The following GALNTL6 variants were observed in gnomAD, a reference collection of about 807,000 sequenced individuals.
GALNTL6 encodes the protein polypeptide N-acetylgalactosaminyltransferase like 6, also known as polypeptide N-acetylgalactosaminyltransferase-like 6.
A neutral mutation model predicts 73.7 loss-of-function variants in GALNTL6; 46 were observed. The ratio of observed to expected loss-of-function variants is 0.62; its 90% CI spans 0.49 to 0.80. The LOEUF is 0.80. GALNTL6 is among the 30% of genes least tolerant of loss of function. The pLI is 0.00. For missense variants in GALNTL6, 604 were observed against 755.0 expected, an observed-to-expected ratio of 0.80 and a Z score of 2.34; for synonymous variants, 259 against 263.7, an observed-to-expected ratio of 0.98 and a Z score of 0.17.
intron 5 of GALNTL6, among the ~76,000 whole-genome samples, chr4:172,797,058 C>G (rs1043906308): frequency 1.6e-4 from 25 of 152,008 alleles, no homozygotes; most frequent in African/African-American, 5.3e-4. Flanking sequence ...ATGTAGTGTC[C>G]TCTCCCATTA....
intron 5 of GALNTL6, among the ~76,000 whole-genome samples, chr4:172,382,275 G>C (rs2111285116): frequency 6.6e-6 from 1 of 151,312 alleles, no homozygotes; most frequent in Non-Finnish European, 1.5e-5. Context: ...AGCCAATATT[G>C]TCTTTTTTTT....
chr4:172,940,862 G>A (rs970835260), intron 9 of GALNTL6, among the ~76,000 whole-genome samples: 3 of 151,884 alleles, frequency 2.0e-5, no homozygotes, highest in South Asian at 2.1e-4. Context: ...TGGTAGAGAC[G>A]GGGTCTCACT....
chr4:172,277,457 T>C (rs900387130), intron 3 of GALNTL6, among the ~76,000 whole-genome samples: 8 of 151,976 alleles, frequency 5.3e-5, no homozygotes, highest in Non-Finnish European at 7.4e-5. Context: ...TTCCTGAATA[T>C]TAGAGAAAAA....
At chr4:172,978,208 A>G (rs973251041) in intron 10 of GALNTL6, among the ~76,000 whole-genome samples, 5 of 152,202 alleles carry the variant, frequency 3.3e-5, no homozygotes, top group Non-Finnish European at 2.9e-5. Flanking sequence ...GAAATTTCTT[A>G]CTGGATATAG....
chr4:171,955,981 A>G (rs1739033933), intron 2 of GALNTL6, among the ~76,000 whole-genome samples: 1 of 147,390 alleles, frequency 6.8e-6, no homozygotes, highest in South Asian at 2.2e-4. Context: ...TTTAATAAAT[A>G]TTTGTTACTT....
intron 9 of GALNTL6, among the ~76,000 whole-genome samples, chr4:172,936,835 G>A (rs1297478867): frequency 1.3e-5 from 2 of 152,090 alleles, no homozygotes; most frequent in Non-Finnish European, 2.9e-5. Flanking sequence ...AAGCCAAATT[G>A]TACAGGCTGC....
chr4:172,489,453 C>T (rs897034272), intron 5 of GALNTL6, among the ~76,000 whole-genome samples: 1 of 152,136 alleles, frequency 6.6e-6, no homozygotes, highest in Non-Finnish European at 1.5e-5. Context: ...ATATATTCTA[C>T]ATATAATAAA....
chr4:172,647,077 G>A (rs1218048971), intron 5 of GALNTL6, among the ~76,000 whole-genome samples: 1 of 151,990 alleles, frequency 6.6e-6, no homozygotes. Flanking sequence ...TTCCTAGGTA[G>A]GGAAAAATTA....
At chr4:172,752,566 G>T (rs1306521014) in intron 5 of GALNTL6, among the ~76,000 whole-genome samples, 1 of 151,696 alleles carries the variant, frequency 6.6e-6, no homozygotes, top group Admixed American at 6.6e-5. Flanking sequence ...GTGGTATAAA[G>T]GTTTATATTT....
rs899978436 is a variant in GALNTL6, at chr4:172,612,023, G to A, written c.554-197338G>A. On this transcript the variant is annotated intron_variant, in intron 5 of 12. Transcript: ENST00000506823. ...TGCATAATCCCATTGTCTCAGTCTC[G>A]TCATCTATTTTTTGAAAAAGTAGGA... is the stretch of plus-strand genomic sequence containing the variant. Among the ~76,000 whole-genome samples the A allele has an allele frequency of 3.3e-5, 5 of 151,950 alleles. No homozygotes were observed. The South Asian group carries it at 8.3e-4, about 25-fold the overall frequency.
intron 2 of GALNTL6, among the ~76,000 whole-genome samples, chr4:172,170,831 A>C (rs1363813075): frequency 6.6e-6 from 1 of 152,146 alleles, no homozygotes; most frequent in Non-Finnish European, 1.5e-5. Context: ...TGTTTATAGC[A>C]GTATGAAAAT....
At chr4:172,332,143 C>A (rs933919749) in intron 4 of GALNTL6, among the ~76,000 whole-genome samples, 4 of 151,928 alleles carry the variant, frequency 2.6e-5, no homozygotes, top group Admixed American at 2.6e-4. Context: ...TTTTAATATG[C>A]CAGTTGGCCA....
At chr4:171,920,334 A>G (rs1435585909) in intron 2 of GALNTL6, among the ~76,000 whole-genome samples, 1 of 152,098 alleles carries the variant, frequency 6.6e-6, no homozygotes, top group Non-Finnish European at 1.5e-5. Flanking sequence ...TACATATGTA[A>G]CAAACCTGCA....
intron 12 of GALNTL6, 148 bp from the exon 13 acceptor site, chr4:173,039,785 C>T (rs1195276591): frequency 1.6e-6 from 1 of 610,782 alleles, no homozygotes; most frequent in Non-Finnish European, 2.7e-6. Context: ...GCAACTCCAC[C>T]TGCTATTGTT....
intron 7 of GALNTL6, among the ~76,000 whole-genome samples, chr4:172,821,429 C>A (rs1313846575): frequency 6.6e-6 from 1 of 152,128 alleles, no homozygotes; most frequent in Non-Finnish European, 1.5e-5. Flanking sequence ...AACTTAGGCA[C>A]CCGCTAAGTG....
intron 3 of GALNTL6, among the ~76,000 whole-genome samples, chr4:172,248,352 G>A (rs983558292): frequency 6.6e-5 from 10 of 152,148 alleles, no homozygotes; most frequent in African/African-American, 2.4e-4. Context: ...GCTCTGTCTA[G>A]TATGAAGCTA....
chr4:171,925,889 T>C (rs1737963950), intron 2 of GALNTL6, among the ~76,000 whole-genome samples: 1 of 152,088 alleles, frequency 6.6e-6, no homozygotes, highest in African/African-American at 2.4e-5. Flanking sequence ...TAAAAGTACT[T>C]CTTATATAGC....
At chr4:172,050,451 C>G (rs187051476) in intron 2 of GALNTL6, among the ~76,000 whole-genome samples, 8 of 152,108 alleles carry the variant, frequency 5.3e-5, no homozygotes, top group African/African-American at 1.4e-4. Flanking sequence ...AAAAGAGAAG[C>G]TTTGTTTAAA....
At chr4:172,251,951 A>G (rs1471710083) in intron 3 of GALNTL6, among the ~76,000 whole-genome samples, 1 of 152,160 alleles carries the variant, frequency 6.6e-6, no homozygotes, top group Non-Finnish European at 1.5e-5. Context: ...CGATTTATAG[A>G]ATTTATAGCA....
Sources: gnomAD v4.1 joint callset for allele counts (sites outside exome capture counted in the v4.1 genomes callset) on GRCh38, gnomAD v4.1.1 for gene constraint, MANE v1.5 for transcripts, NCBI Gene and HGNC (gene_info 2026-07-23, HGNC 2026-07-21) for gene names.